Variants in TENM4 observed in about 807,000 individuals in gnomAD.
TENM4 encodes teneurin-4.
TENM4 carries 82 observed loss-of-function variants against 243.3 expected under a neutral mutation model. That is an observed-to-expected ratio of 0.34 (90% confidence interval 0.28 to 0.40). The LOEUF is 0.40. Among genes scored for constraint, TENM4 ranks in the 10% least tolerant of loss-of-function variants. The pLI is 1.00. For missense variants in TENM4, 3,138 were observed against 3,673.3 expected, an observed-to-expected ratio of 0.85 and a Z score of 3.77; for synonymous variants, 1,412 against 1,456.3, an observed-to-expected ratio of 0.97 and a Z score of 0.69.
At chr11:79,151,679 A>G (rs1347682696) in intron 3 of TENM4, among the ~76,000 whole-genome samples, 3 of 151,978 alleles carry the variant, frequency 2.0e-5, no homozygotes, top group Admixed American at 6.6e-5. Flanking sequence ...CCTGGCTCAA[A>G]TACCTCATTA....
intron 2 of TENM4, among the ~76,000 whole-genome samples, chr11:79,295,634 G>A (rs941791908): frequency 1.3e-5 from 2 of 152,136 alleles, no homozygotes; most frequent in Admixed American, 1.3e-4. Flanking sequence ...GACAAGCACT[G>A]GGGTGGGAGT....
At chr11:78,775,661 C>T (rs998663865) in intron 17 of TENM4, among the ~76,000 whole-genome samples, 4 of 152,146 alleles carry the variant, frequency 2.6e-5, no homozygotes, top group Admixed American at 6.5e-5. Context: ...AGCAATATGC[C>T]CGTCCTTACC....
intron 1 of TENM4, among the ~76,000 whole-genome samples, chr11:79,358,165 A>G (rs1857528679): frequency 6.6e-6 from 1 of 152,236 alleles, no homozygotes; most frequent in South Asian, 2.1e-4. Flanking sequence ...TAGATGAGGA[A>G]TCCTCCCAGG....
Position 78,702,138 on chromosome 11 carries a change from T to C in TENM4, c.4475A>G (p.Asn1492Ser), listed in dbSNP as rs71471420. Residue 1492 changes from asparagine to serine, a missense_variant, in exon 28 of 34, where the codon AAC becomes AGC. By Grantham distance (46) the Asn-to-Ser change is conservative. This residue lies in a region of TENM4 where 2,467 missense variants were observed against 3,059.1 expected (regional missense o/e 0.81). Coordinates refer to ENST00000278550, the MANE Select transcript of TENM4 (RefSeq NM_001098816.3). ...YIAETDEKKI[N>S]RIRQVTTSGE... ...ACTAGTGGTGACCTGCCTGATGCGG[T>C]TGATCTTTTTCTCATCAGTCTCAGC... The C allele has an allele frequency of 1.9e-6, 3 of 1,613,768 alleles. No homozygotes were observed. The highest frequency in any genetic ancestry group is 2.5e-6 in the Non-Finnish European group (3 of 1,179,878).
chr11:78,704,308 G>A (rs926927566), intron 27 of TENM4, among the ~76,000 whole-genome samples: 7 of 151,262 alleles, frequency 4.6e-5, no homozygotes, highest in African/African-American at 1.7e-4. Flanking sequence ...AAGCCACTGT[G>A]TTTGGCCTAA....
intron 3 of TENM4, among the ~76,000 whole-genome samples, chr11:79,209,156 C>G (rs1465144583): frequency 6.6e-6 from 1 of 152,222 alleles, no homozygotes; most frequent in African/African-American, 2.4e-5. Context: ...GCTCTGCAAT[C>G]ATTCTGACTG....
chr11:78,893,110 G>A (rs1403921727), intron 7 of TENM4, among the ~76,000 whole-genome samples: 2 of 152,244 alleles, frequency 1.3e-5, no homozygotes, highest in Non-Finnish European at 2.9e-5. Context: ...GCACTGTCTG[G>A]GCCAGCGGCC....
chr11:79,365,136 T>G (rs906796521), intron 1 of TENM4, among the ~76,000 whole-genome samples: 3 of 152,208 alleles, frequency 2.0e-5, no homozygotes, highest in Non-Finnish European at 4.4e-5. Context: ...AAAATTGTTT[T>G]CCAACTCCTG....
chr11:79,040,418 G>A (rs866388620), intron 6 of TENM4, among the ~76,000 whole-genome samples: 10 of 152,064 alleles, frequency 6.6e-5, no homozygotes, highest in African/African-American at 1.7e-4. Context: ...GCCAGCCTCC[G>A]GCCTCCTGCC....
intron 6 of TENM4, among the ~76,000 whole-genome samples, chr11:78,932,462 G>A (rs1856691709): frequency 1.3e-5 from 2 of 152,186 alleles, no homozygotes; most frequent in South Asian, 4.1e-4. Flanking sequence ...GAAGGGTTCT[G>A]GAAGTGTTCC....
At chr11:79,001,100 C>T (rs541383698) in intron 6 of TENM4, among the ~76,000 whole-genome samples, 5 of 152,110 alleles carry the variant, frequency 3.3e-5, no homozygotes, top group Non-Finnish European at 7.4e-5. Context: ...CTAAATGACC[C>T]AATCAAAAGG....
At chr11:79,384,815 A>G (rs1009805693) in intron 1 of TENM4, among the ~76,000 whole-genome samples, 52 of 151,850 alleles carry the variant, frequency 3.4e-4, no homozygotes, top group Non-Finnish European at 6.2e-4. Flanking sequence ...AATCCAAGCT[A>G]CTCGGGAGGC....
intron 6 of TENM4, among the ~76,000 whole-genome samples, chr11:78,969,887 A>G (rs1179382300): frequency 2.0e-5 from 3 of 152,230 alleles, no homozygotes; most frequent in Admixed American, 2.0e-4. Context: ...CTAGAAAGAA[A>G]ATAAAACAAA....
At chr11:79,177,358 C>A (rs1310267831) in intron 3 of TENM4, among the ~76,000 whole-genome samples, 20 of 151,950 alleles carry the variant, frequency 1.3e-4, no homozygotes, top group Admixed American at 1.3e-3. Context: ...CTTCCCCTCC[C>A]CTCCTTTCCT....
chr11:78,987,940 C>T (rs1857955949), intron 6 of TENM4, among the ~76,000 whole-genome samples: 1 of 152,114 alleles, frequency 6.6e-6, no homozygotes, highest in South Asian at 2.1e-4. Flanking sequence ...TAGGCTGGTG[C>T]TATTACCTCT....
intron 6 of TENM4, among the ~76,000 whole-genome samples, chr11:78,965,478 C>T (rs1334906712): frequency 6.6e-6 from 1 of 152,186 alleles, no homozygotes; most frequent in East Asian, 1.9e-4. Flanking sequence ...GATAACCAGT[C>T]CATGCTGAGT....
intron 6 of TENM4, among the ~76,000 whole-genome samples, chr11:78,943,734 C>G (rs183181029): frequency 6.6e-6 from 1 of 152,112 alleles, no homozygotes; most frequent in South Asian, 2.1e-4. Context: ...AAAAATACAC[C>G]GTCAAGAATC....
At chr11:79,255,357 G>A (rs1354092226) in intron 2 of TENM4, among the ~76,000 whole-genome samples, 4 of 152,170 alleles carry the variant, frequency 2.6e-5, no homozygotes, top group Middle Eastern at 3.4e-3. Flanking sequence ...TGTTCCTAAC[G>A]CCTCCGTGTC....
chr11:79,006,643 T>C (rs1858492179), intron 6 of TENM4, among the ~76,000 whole-genome samples: 1 of 152,208 alleles, frequency 6.6e-6, no homozygotes. Flanking sequence ...GCCTGGGATA[T>C]ATATCCACCA....
Sources: allele counts gnomAD v4.1 joint callset (sites outside exome capture counted in the v4.1 genomes callset), GRCh38; gene constraint gnomAD v4.1.1; regional missense constraint gnomAD v4.1.1; transcripts MANE v1.5; gene names NCBI Gene and HGNC (gene_info 2026-07-23, HGNC 2026-07-21).